Variants in OSBPL6 observed in about 807,000 individuals in gnomAD.
The protein encoded by OSBPL6 is oxysterol binding protein like 6.
A neutral mutation model predicts 125.8 loss-of-function variants in OSBPL6; 49 were observed. That is an observed-to-expected ratio of 0.39 (90% CI 0.31 to 0.49). The LOEUF is 0.49. OSBPL6 is among the 20% of genes least tolerant of loss of function. OSBPL6 has a pLI of 0.88. For missense variants in OSBPL6, 986 were observed against 1,135.4 expected (o/e 0.87, Z 1.89); for synonymous variants, 394 against 391.8 (o/e 1.01, Z -0.07).
intron 1 of OSBPL6, among the ~76,000 whole-genome samples, chr2:178,279,145 G>A (rs1397889462): frequency 1.3e-5 from 2 of 152,064 alleles, no homozygotes; most frequent in Non-Finnish European, 2.9e-5. Flanking sequence ...AGAGTGCTGG[G>A]GTTTGCTTAA....
chr2:178,389,526 C>A (rs573780120), intron 21 of OSBPL6, among the ~76,000 whole-genome samples: 2 of 152,136 alleles, frequency 1.3e-5, no homozygotes, highest in African/African-American at 4.8e-5. Context: ...ATCTGAATTT[C>A]GGGAACTCAT....
At chr2:178,216,970 G>A (rs2090119537) in intron 1 of OSBPL6, among the ~76,000 whole-genome samples, 1 of 152,192 alleles carries the variant, frequency 6.6e-6, no homozygotes, top group Non-Finnish European at 1.5e-5. Flanking sequence ...TTGGATCCTG[G>A]GCCTGGAAGG....
At chr2:178,391,804 T>A (rs1695427228) in intron 22 of OSBPL6, among the ~76,000 whole-genome samples, 1 of 152,222 alleles carries the variant, frequency 6.6e-6, no homozygotes, top group Non-Finnish European at 1.5e-5. Context: ...TGTCAGTTAA[T>A]CCCTAACTAA....
intron 1 of OSBPL6, among the ~76,000 whole-genome samples, chr2:178,278,123 A>G (rs2092507539): frequency 6.6e-6 from 1 of 151,982 alleles, no homozygotes; most frequent in South Asian, 2.1e-4. Flanking sequence ...TCCTTTATTC[A>G]TCCCTGCATG....
chr2:178,217,555 A>G (rs1321394766), intron 1 of OSBPL6, among the ~76,000 whole-genome samples: 3 of 152,214 alleles, frequency 2.0e-5, no homozygotes. Flanking sequence ...CTATAGAGAA[A>G]GGGGTCTCCC....
intron 3 of OSBPL6, among the ~76,000 whole-genome samples, chr2:178,322,950 C>A (rs1238975996): frequency 6.8e-6 from 1 of 148,036 alleles, no homozygotes; most frequent in East Asian, 2.0e-4. Flanking sequence ...TAAAAAAAAT[C>A]TTTGTAGTCT....
chr2:178,279,003 C>A (rs2154029232), intron 1 of OSBPL6, among the ~76,000 whole-genome samples: 1 of 152,252 alleles, frequency 6.6e-6, no homozygotes, highest in Middle Eastern at 3.4e-3. Flanking sequence ...AAAACCATGG[C>A]CCACATATGT....
chr2:178,353,280 A>G (rs1691455361), intron 12 of OSBPL6, among the ~76,000 whole-genome samples: 1 of 152,348 alleles, frequency 6.6e-6, no homozygotes, highest in African/African-American at 2.4e-5. Context: ...TCAGAAGGTC[A>G]GTAATAACAA....
chr2:178,202,549 G>T (rs1039222920), intron 1 of OSBPL6, among the ~76,000 whole-genome samples: 1 of 151,990 alleles, frequency 6.6e-6, no homozygotes, highest in African/African-American at 2.4e-5. Context: ...TCTGCCGGGC[G>T]CTGTGGCTGA....
rs145219700 is a variant in OSBPL6, at chr2:178,329,880, G to A, written c.318+1502G>A. 5.1e-3 allele frequency among the ~76,000 whole-genome samples: 775 copies of A among 152,280 alleles called. 6 individuals are homozygous for A. Among genetic ancestry groups the A allele is most frequent in the African/African-American group, 0.018 (734 of 41,552 alleles). ...CTGCCCATTGGCTCAGTGCAGGGAG[G>A]TTATGTATGTTAACTTCCTTGAGGA... On this transcript the variant is annotated intron_variant, in intron 5 of 24. Transcript: ENST00000190611.
At chr2:178,277,212 A>C (rs1042686643) in intron 1 of OSBPL6, among the ~76,000 whole-genome samples, 1 of 152,232 alleles carries the variant, frequency 6.6e-6, no homozygotes, top group East Asian at 1.9e-4. Context: ...ATTTTATTCA[A>C]CTGAATAATA....
chr2:178,300,940 C>T (rs1039044703), intron 2 of OSBPL6, among the ~76,000 whole-genome samples: 1 of 151,998 alleles, frequency 6.6e-6, no homozygotes, highest in Non-Finnish European at 1.5e-5. Context: ...CAAGCAAAGC[C>T]ATCAAGCATT....
At chr2:178,282,990 A>T (rs560757248) in intron 1 of OSBPL6, among the ~76,000 whole-genome samples, 24 of 152,220 alleles carry the variant, frequency 1.6e-4, no homozygotes, top group Admixed American at 8.5e-4. Context: ...TTCATATTCC[A>T]TCTGCCTGTA....
At chr2:178,215,045 C>CA (rs2090033463) in intron 1 of OSBPL6, among the ~76,000 whole-genome samples, 4 of 151,164 alleles carry the variant, frequency 2.6e-5, no homozygotes, top group African/African-American at 9.7e-5. Flanking sequence ...ATAAAATTGA[C>CA]CATCAAATAA....
Position 178,372,120 on chromosome 2 carries a change from T to C in OSBPL6, c.1288-6T>C. ...AAATTACATATGTGGTTTTTGTTAT[T>C]TTAAGGCACTCAACCAGAATGCTGA... is the stretch of plus-strand genomic sequence containing the variant. On this transcript the variant is annotated splice_polypyrimidine_tract_variant and splice_region_variant and intron_variant, in intron 13 of 24. Transcript: ENST00000190611. 1.2e-6 allele frequency: 2 copies of C among 1,607,056 alleles called. No individual in the cohort carries two copies.
At position 178,383,014 on chromosome 2, in the gene OSBPL6, C is replaced by T. The variant is rs1347822541; in HGVS notation, c.1622-10C>T. 4.3e-6 allele frequency: 7 copies of T among 1,613,788 alleles called. No individual in the cohort carries two copies. The East Asian group carries it at 1.3e-4, about 31-fold the overall frequency. On this transcript the variant is annotated splice_polypyrimidine_tract_variant and intron_variant, in intron 16 of 24. Transcript: ENST00000190611. ...CAAAGTGTCCTTCACTGTGACTCTCCTTCTTCCAGTCCTGAATGGGGAGCT... is the reference window on the plus strand; with the variant it reads ...CAAAGTGTCCTTCACTGTGACTCTCTTTCTTCCAGTCCTGAATGGGGAGCT...
chr2:178,327,176 T>C (rs1161597087), intron 4 of OSBPL6, among the ~76,000 whole-genome samples: 2 of 151,968 alleles, frequency 1.3e-5, no homozygotes, highest in East Asian at 1.9e-4. Flanking sequence ...AAATAAAAAA[T>C]TGGAAAAAAG....
intron 11 of OSBPL6, among the ~76,000 whole-genome samples, chr2:178,341,996 C>G (rs1690251364): frequency 6.6e-6 from 1 of 152,104 alleles, no homozygotes; most frequent in Non-Finnish European, 1.5e-5. Flanking sequence ...GGCATAGCAT[C>G]TAATTTTACT....
At chr2:178,202,865 T>C (rs1172749194) in intron 1 of OSBPL6, among the ~76,000 whole-genome samples, 3 of 151,946 alleles carry the variant, frequency 2.0e-5, no homozygotes, top group Non-Finnish European at 2.9e-5. Flanking sequence ...TTTTTATCAT[T>C]GGTGTTGAGT....
Sources: allele counts gnomAD v4.1 joint callset (sites outside exome capture counted in the v4.1 genomes callset), GRCh38; gene constraint gnomAD v4.1.1; transcripts MANE v1.5; gene names NCBI Gene and HGNC (gene_info 2026-07-23, HGNC 2026-07-21).